Variants in KRT32 observed in about 807,000 individuals in gnomAD.
The protein encoded by KRT32 is keratin, type I cuticular Ha2.
Under a neutral mutation model 41.8 loss-of-function variants are expected in KRT32, and 44 were observed. That is an observed-to-expected ratio of 1.05 (90% CI 0.83 to 1.35). KRT32 has a LOEUF of 1.35. KRT32 is among the 40% of genes most tolerant of loss of function. KRT32 has a pLI of 0.00. For synonymous variants in KRT32, 238 were observed against 242.5 expected, an observed-to-expected ratio of 0.98 and a Z score of 0.17; for missense variants, 576 against 584.6, an observed-to-expected ratio of 0.99 and a Z score of 0.15.
chr17:41,466,358 G>C (rs1187694488), intron 1 of KRT32, among the ~76,000 whole-genome samples, 182 bp from the exon 2 acceptor site: 3 of 152,220 alleles, frequency 2.0e-5, no homozygotes, highest in Admixed American at 2.0e-4. Flanking sequence ...GAGAACTTGA[G>C]ATGTATTTTT....
intron 1 of KRT32, among the ~76,000 whole-genome samples, chr17:41,466,645 A>T (rs768431608): frequency 6.6e-6 from 1 of 152,226 alleles, no homozygotes; most frequent in African/African-American, 2.4e-5. Flanking sequence ...CCCCAAAGTC[A>T]TGCAATGAGG....
rs137911171 is a variant in KRT32, at chr17:41,465,692, A to G, written c.708+81T>C. On this transcript the variant is annotated intron_variant, in intron 3 of 6. Coordinates refer to ENST00000225899, the MANE Select transcript of KRT32 (RefSeq NM_002278.3). ...ACATGTGGCAGGCTTGGGAATTTCA[A>G]CCCACGCCTATCCAACCCCATACCC... 2,301 of 1,432,256 alleles carry G rather than the reference A, an allele frequency of 1.6e-3. 32 individuals are homozygous for G. In the African/African-American group the frequency reaches 0.029, roughly 18 times the overall value. 88.7% of individuals were successfully genotyped at this position (1,432,256 alleles called of 1,614,324 possible).
chr17:41,464,258 C>T, intron 4 of KRT32, 24 bp downstream of exon 4: 2 of 1,583,704 alleles, frequency 1.3e-6, no homozygotes, highest in Non-Finnish European at 1.7e-6. Context: ...ATGGAGGAGG[C>T]CATCCCCACC....
rs2018999936 is a variant in KRT32 at position 41,461,280 on chromosome 17, A to G, written c.1218-1041T>C. Among the ~76,000 whole-genome samples the G allele has an allele frequency of 2.0e-5, 3 of 152,322 alleles. No individual in the cohort carries two copies. In the South Asian group the frequency reaches 6.2e-4, roughly 32 times the overall value. On this transcript the variant is annotated intron_variant, in intron 6 of 6. Transcript: ENST00000225899. ...TGCCCACCCTGCATACCTCACATAG[A>G]ATAGGCACCTAATAAGAATATTTGG...
rs1296111432 is a variant in KRT32, at chr17:41,466,840, C to T, written c.468+18G>A. On this transcript the variant is annotated intron_variant, in intron 1 of 6. Transcript: ENST00000225899. ...GTTCCCTTCCCAGAGAGCCTATTCA[C>T]CTCACCGCTGCCCTCACCTTCTGCT... 11 of 1,576,888 alleles carry T rather than the reference C, an allele frequency of 7.0e-6. No individual in the cohort carries two copies. The highest frequency in any genetic ancestry group is 9.5e-6 in the Non-Finnish European group (11 of 1,152,800).
chr17:41,463,963 G>T, intron 5 of KRT32, 115 bp downstream of exon 5: 1 of 1,083,798 alleles, frequency 9.2e-7, no homozygotes, highest in Non-Finnish European at 1.2e-6. Context: ...TCAACAGGAT[G>T]AGCATCCATG....
At chr17:41,463,535 A>T (rs2604957) in intron 5 of KRT32, among the ~76,000 whole-genome samples, 99,569 of 151,938 alleles carry the variant, frequency 0.66, 32,797 homozygotes, top group African/African-American at 0.7. Flanking sequence ...TGAAACCCCC[A>T]CTCTACTAAA....
At position 41,467,325 on chromosome 17, in the gene KRT32, TG is replaced by T. The variant is rs2019082807; in HGVS notation, c.-1del. 1 of 1,601,528 alleles carries T rather than the reference TG, an allele frequency of 6.2e-7. No individual in the cohort carries two copies. ...TTGGTGACACAGCAGGAGGATGTCATGTTGGAGAGGCCCTTTCTCCTCAGCC... is the reference window on the plus strand; with the variant it reads ...TTGGTGACACAGCAGGAGGATGTCATTTGGAGAGGCCCTTTCTCCTCAGCC... On this transcript the variant is annotated 5_prime_UTR_variant, in exon 1 of 7. Coordinates refer to ENST00000225899, the MANE Select transcript of KRT32 (RefSeq NM_002278.3).
chr17:41,460,117 C>T lies in KRT32; in HGVS notation c.1340G>A (p.Arg447His), dbSNP rs764794620. Reference protein sequence around the residue: ...GMPCSPCPQGRY With the variant: ...GMPCSPCPQGHY ...CACTGGCACAAAGGGACTTCAGTAG[C>T]GGCCCTGGGGGCAGGGTGAGCAAGG... Residue 447 changes from arginine (R) to histidine (H), a missense_variant, in exon 7 of 7, where the codon CGC becomes CAC. Arg to His is a conservative substitution (Grantham distance 29, BLOSUM62 0). Transcript: ENST00000225899. The T allele has an allele frequency of 1.5e-5, 24 of 1,605,694 alleles. No individual in the cohort carries two copies. Among genetic ancestry groups the T allele is most frequent in the African/African-American group, 2.7e-5 (2 of 74,736 alleles).
At chr17:41,461,062 T>C (rs1264094244) in intron 6 of KRT32, among the ~76,000 whole-genome samples, 1 of 152,010 alleles carries the variant, frequency 6.6e-6, no homozygotes, top group Non-Finnish European at 1.5e-5. Flanking sequence ...GGAACCCTCT[T>C]CCCTCTCCAC....
Position 41,460,047 on chromosome 17 carries a change from T to C in KRT32, c.*63A>G, listed in dbSNP as rs923234069. On this transcript the variant is annotated 3_prime_UTR_variant, in exon 7 of 7. Coordinates refer to ENST00000225899, the MANE Select transcript of KRT32 (RefSeq NM_002278.3). ...ACCGGGGCTGGCCCTGCTCTTCTGG[T>C]GGCCACTGAATACCAGGCTGCCCAG... The C allele has an allele frequency of 1.9e-5, 29 of 1,517,508 alleles. No homozygotes were observed. Among genetic ancestry groups the C allele is most frequent in the South Asian group, 5.3e-5 (4 of 75,722 alleles). 94.0% of individuals were successfully genotyped at this position (1,517,508 alleles called of 1,614,324 possible). A position where few individuals can be genotyped will look rare whatever the true frequency, so the allele number is the denominator to read the frequency against.
In KRT32 at chr17:41,462,938, G is replaced by A. The variant is rs1324846785; in HGVS notation, c.1109C>T (p.Ala370Val). ...CTCCTGGTTCTGCCGCTCCAGGTCA[G>A]CCCGGATCTCAGCCAGCTGGGCCTC... ...NVEAQLAEIR[A>V]DLERQNQEYQ... is the part of the protein sequence containing the mutation. The change falls in exon 6 of 7, where the codon GCT (alanine) becomes GTT (valine). Residue 370 changes from alanine to valine, a missense_variant. Physicochemically the swap from Ala to Val is moderately conservative, Grantham distance 64. Transcript: ENST00000225899. The A allele has an allele frequency of 1.9e-6, 3 of 1,614,130 alleles. No homozygotes were observed. Among genetic ancestry groups the A allele is most frequent in the Non-Finnish European group, 1.7e-6 (2 of 1,180,012 alleles).
chr17:41,460,828 T>G (rs2018994971), intron 6 of KRT32, among the ~76,000 whole-genome samples: 1 of 152,156 alleles, frequency 6.6e-6, no homozygotes, highest in Admixed American at 6.5e-5. Context: ...GTAACAAACC[T>G]GCACGTTCTG....
At chr17:41,465,111 T>C (rs1300816769) in intron 3 of KRT32, among the ~76,000 whole-genome samples, 1 of 152,120 alleles carries the variant, frequency 6.6e-6, no homozygotes, top group African/African-American at 2.4e-5. Context: ...ATGGCTCAGG[T>C]GGGCTTGGCA....
In KRT32 at chr17:41,460,073, C is replaced by T; in HGVS notation, c.*37G>A. ...GGCCACTGAATACCAGGCTGCCCAG[C>T]CCCAGGCCCTCCAGGATCCACTGGC... On this transcript the variant is annotated 3_prime_UTR_variant, in exon 7 of 7. Transcript: ENST00000225899. The T allele has an allele frequency of 6.4e-7, 1 of 1,563,992 alleles. No homozygotes were observed. The highest frequency in any genetic ancestry group is 2.3e-5 in the East Asian group (1 of 44,192).
chr17:41,467,066 T>A lies in KRT32; in HGVS notation c.260A>T (p.Tyr87Phe). The change falls in exon 1 of 7, where the codon TAC becomes TTC. Residue 87 changes from tyrosine to phenylalanine, a missense_variant. Tyr to Phe is a conservative substitution (Grantham distance 22, BLOSUM62 3). Coordinates refer to ENST00000225899, the MANE Select transcript of KRT32 (RefSeq NM_002278.3). Reference sequence around the variant, plus strand: ...ATTGCCATTGAAGGCCCCTTCGCTGTACCAGCTGCCGGGGCCCATGGAGCC... The same window carrying A: ...ATTGCCATTGAAGGCCCCTTCGCTGAACCAGCTGCCGGGGCCCATGGAGCC... ...ISGSMGPGSWYSEGAFNGNEK... is the reference protein window; with the variant it reads ...ISGSMGPGSWFSEGAFNGNEK... 6.2e-7 allele frequency: 1 copy of A among 1,614,218 alleles called. No individual in the cohort carries two copies.
At position 41,464,335 on chromosome 17, in the gene KRT32, C is replaced by T. The variant is rs141728288; in HGVS notation, c.817G>A (p.Glu273Lys). ...RVLEEMRCQY[E>K]AMVEANRRDV... ...CTGCGGTTGGCCTCCACCATGGCCT[C>T]GTACTGACACCGCATCTCCTCCAGC... Residue 273 changes from glutamate to lysine, a missense_variant, in exon 4 of 7, where the codon GAG becomes AAG. Glu to Lys is a moderately conservative substitution (Grantham distance 56). Coordinates refer to ENST00000225899, the MANE Select transcript of KRT32 (RefSeq NM_002278.3). The T allele has an allele frequency of 4.8e-5, 77 of 1,611,990 alleles. 1 individual carries two copies. Among genetic ancestry groups the T allele is most frequent in the East Asian group, 2.9e-4 (13 of 44,794 alleles).
chr17:41,466,282 G>T, intron 1 of KRT32, 106 bp from the exon 2 acceptor site: 1 of 842,990 alleles, frequency 1.2e-6, no homozygotes, highest in Non-Finnish European at 1.9e-6. Flanking sequence ...CAGCCCTGCA[G>T]CCATCCCTGC....
At chr17:41,465,746 C>T (rs760478878) in intron 3 of KRT32, 27 bp downstream of exon 3, 2 of 1,594,206 alleles carry the variant, frequency 1.3e-6, no homozygotes, top group Non-Finnish European at 1.7e-6. Context: ...CTTCCCGGGG[C>T]CACTTCAGCG....
Sources: gnomAD v4.1 joint callset for allele counts (sites outside exome capture counted in the v4.1 genomes callset) on GRCh38, gnomAD v4.1.1 for gene constraint, MANE v1.5 for transcripts, NCBI Gene and HGNC (gene_info 2026-07-23, HGNC 2026-07-21) for gene names.